Variants in DUSP5 observed in about 807,000 individuals in gnomAD.
DUSP5 encodes the protein dual specificity phosphatase 5, also known as dual specificity protein phosphatase 5.
DUSP5 carries 22 observed loss-of-function variants against 33.6 expected under a neutral mutation model. The ratio of observed to expected loss-of-function variants is 0.66; its 90% CI spans 0.47 to 0.94. DUSP5 has a LOEUF of 0.94. DUSP5 is among the 40% of genes least tolerant of loss of function. DUSP5 has a pLI of 0.00. For synonymous variants in DUSP5, 270 were observed against 231.1 expected (o/e 1.17, Z -1.53); for missense variants, 551 against 522.1 (o/e 1.06, Z -0.54).
chr10:110,502,601 A>T, intron 1 of DUSP5, 120 bp from the exon 2 acceptor site: 1 of 1,212,776 alleles, frequency 8.2e-7, no homozygotes, highest in Non-Finnish European at 1.1e-6. Context: ...CAGAATCTGT[A>T]CTGGCTTATT....
In DUSP5 at chr10:110,510,054, C is replaced by A. The variant is rs1860167218; in HGVS notation, c.783C>A (p.Val261=). The change falls in exon 4 of 4, where the codon GTC becomes GTA. Residue 261 remains valine (V), a synonymous_variant. Coordinates refer to ENST00000369583, the MANE Select transcript of DUSP5 (RefSeq NM_004419.4). ...CVREKGGKVL[V]HCEAGISRSP... ...GGGAAAAGGGAGGCAAGGTCCTGGT[C>A]CACTGTGAGGCTGGGATCTCCCGTT... 1 of 1,611,336 alleles carries A rather than the reference C, an allele frequency of 6.2e-7. No individual in the cohort carries two copies.
intron 3 of DUSP5, among the ~76,000 whole-genome samples, chr10:110,509,081 G>T (rs1190534664): frequency 1.3e-5 from 2 of 152,150 alleles, no homozygotes; most frequent in African/African-American, 2.4e-5. Context: ...TGATGTAATT[G>T]TTTCCTCACT....
chr10:110,507,829 C>A (rs764737497), intron 3 of DUSP5, among the ~76,000 whole-genome samples: 1 of 152,222 alleles, frequency 6.6e-6, no homozygotes, highest in South Asian at 2.1e-4. Flanking sequence ...TTTCCAGGTC[C>A]TCTGTGTTGC....
chr10:110,509,610 A>G (rs769012655), intron 3 of DUSP5, among the ~76,000 whole-genome samples: 5 of 152,214 alleles, frequency 3.3e-5, no homozygotes, highest in Non-Finnish European at 7.3e-5. Flanking sequence ...TATGTGCCCA[A>G]TAAAAATGTG....
chr10:110,501,965 T>TG (rs113343885), intron 1 of DUSP5, among the ~76,000 whole-genome samples: 19,648 of 132,654 alleles, frequency 0.15, 1,306 homozygotes, highest in Middle Eastern at 0.24. Context: ...ACTTATTGAT[T>TG]GGGGGGGGGG....
chr10:110,502,101 T>G (rs1371419086), intron 1 of DUSP5, among the ~76,000 whole-genome samples: 1 of 152,150 alleles, frequency 6.6e-6, no homozygotes, highest in Non-Finnish European at 1.5e-5. Flanking sequence ...ATTCTTTCAG[T>G]TGATTTAGAA....
rs1195815262 is a variant in DUSP5, at chr10:110,507,073, C to G, written c.667C>G (p.Leu223Val). The G allele has an allele frequency of 6.2e-7, 1 of 1,614,132 alleles. No individual in the cohort carries two copies. Among genetic ancestry groups the G allele is most frequent in the Non-Finnish European group, 8.5e-7 (1 of 1,180,052 alleles). ...RRTSEACATH[L>V]HYKWIPVEDS... ...GACCTCCGAGGCCTGCGCGACCCAC[C>G]TACACTACAAATGGATCCCTGTGGA... is the stretch of plus-strand genomic sequence containing the variant. Residue 223 changes from leucine (L) to valine (V), a missense_variant, in exon 3 of 4, where the codon CTA (leucine) becomes GTA (valine). Transcript: ENST00000369583.
In DUSP5 at chr10:110,507,104, G is replaced by A. The variant is rs765895832; in HGVS notation, c.698G>A (p.Ser233Asn). ...LHYKWIPVED[S>N]HTADISSHFQ... ...TACAAATGGATCCCTGTGGAAGACAGCCACACGGCTGACATTAGCTCCCAC... is the reference window on the plus strand; with the variant it reads ...TACAAATGGATCCCTGTGGAAGACAACCACACGGCTGACATTAGCTCCCAC... Residue 233 changes from serine to asparagine, a missense_variant, in exon 3 of 4, where the codon AGC becomes AAC. Around this residue, in one of 3 missense-constraint regions of DUSP5, gnomAD observed 12 missense variants for 29.9 expected, o/e 0.40. Coordinates refer to ENST00000369583, the MANE Select transcript of DUSP5 (RefSeq NM_004419.4). The A allele has an allele frequency of 6.2e-7, 1 of 1,614,132 alleles. No individual in the cohort carries two copies. The highest frequency in any genetic ancestry group is 1.7e-5 in the Admixed American group (1 of 60,036).
chr10:110,508,171 C>T (rs971019575), intron 3 of DUSP5, among the ~76,000 whole-genome samples: 3 of 152,138 alleles, frequency 2.0e-5, no homozygotes, highest in East Asian at 3.9e-4. Flanking sequence ...GAAACCCTGA[C>T]GAGAAACTCA....
intron 2 of DUSP5, chr10:110,503,579 T>A (rs1227857166): frequency 2.6e-5 from 4 of 152,192 alleles, no homozygotes; most frequent in Non-Finnish European, 4.4e-5. Flanking sequence ...CGTAGCACCA[T>A]CCAGGAAGAT....
At position 110,498,294 on chromosome 10, in the gene DUSP5, G is replaced by A. The variant is rs1859986415; in HGVS notation, c.173G>A (p.Gly58Asp). 1.4e-6 allele frequency: 2 copies of A among 1,441,692 alleles called. No individual in the cohort carries two copies. The highest frequency in any genetic ancestry group is 1.5e-5 in the African/African-American group (1 of 68,292). 89.3% of individuals were successfully genotyped at this position (1,441,692 alleles called of 1,614,324 possible). Residue 58 changes from glycine (G) to aspartate (D), a missense_variant, in exon 1 of 4, where the codon GGC becomes GAC. Around this residue, in one of 3 missense-constraint regions of DUSP5, gnomAD observed 381 missense variants for 310.4 expected, o/e 1.23. Transcript: ENST00000369583. ...GTGGTGCTGCGGCGGGCCCGGGGCG[G>A]CGCGGTGTCGGCGCGCTACGTGCTG... Reference protein sequence around the residue: ...NSVVLRRARGGAVSARYVLPD... With the variant: ...NSVVLRRARGDAVSARYVLPD...
chr10:110,505,482 C>A (rs766805306), intron 2 of DUSP5, among the ~76,000 whole-genome samples: 1 of 152,194 alleles, frequency 6.6e-6, no homozygotes, highest in Admixed American at 6.5e-5. Context: ...ACTGAACTGG[C>A]CTTTGCTTAA....
At chr10:110,504,468 GGT>G (rs1860095045) in intron 2 of DUSP5, among the ~76,000 whole-genome samples, 1 of 152,194 alleles carries the variant, frequency 6.6e-6, no homozygotes, top group South Asian at 2.1e-4. Context: ...TCCCAGGTCT[GGT>G]GTATCAGCAA....
intron 1 of DUSP5, among the ~76,000 whole-genome samples, chr10:110,502,091 ATTC>A (rs1272944022): frequency 2.0e-5 from 3 of 152,154 alleles, no homozygotes; most frequent in African/African-American, 7.2e-5. Flanking sequence ...AGAAGTCTTT[ATTC>A]TTTCAGTTGA....
At chr10:110,503,320 T>C (rs1860080106) in intron 2 of DUSP5, 1 of 156,558 alleles carries the variant, frequency 6.4e-6, no homozygotes, top group Non-Finnish European at 1.4e-5. Context: ...TCAAGGTGTG[T>C]CTTATTGGTA....
Position 110,507,149 on chromosome 10 carries a change from T to TTAGC in DUSP5, c.743_744insTAGC (p.Ile249SerfsTer3). 6.2e-7 allele frequency: 1 copy of TTAGC among 1,613,110 alleles called. No homozygotes were observed. ...TCCCACTTTCAAGAAGCAATAGACTTCATTGGTAGGTTTAGCCATTCCCCT... is the reference window on the plus strand; with the variant it reads ...TCCCACTTTCAAGAAGCAATAGACTTTAGCCATTGGTAGGTTTAGCCATTCCCCT... On this transcript the variant is annotated frameshift_variant, in exon 3 of 4. Coordinates refer to ENST00000369583, the MANE Select transcript of DUSP5 (RefSeq NM_004419.4). LOFTEE classifies it high-confidence loss of function.
At chr10:110,506,814 C>T in intron 2 of DUSP5, 121 bp from the exon 3 acceptor site, 2 of 1,115,934 alleles carry the variant, frequency 1.8e-6, no homozygotes. Flanking sequence ...CTGAACTCCA[C>T]TTGGAAACCA....
intron 3 of DUSP5, among the ~76,000 whole-genome samples, chr10:110,509,816 T>TG (rs1837843639): frequency 6.6e-6 from 1 of 152,132 alleles, no homozygotes; most frequent in South Asian, 2.1e-4. Context: ...AGGTCCTACT[T>TG]GGGGATAGTC....
intron 3 of DUSP5, among the ~76,000 whole-genome samples, chr10:110,509,697 G>A (rs1464171355): frequency 1.3e-5 from 2 of 152,232 alleles, no homozygotes; most frequent in South Asian, 4.1e-4. Context: ...CCCAGGAAGG[G>A]ACTGCTCCAG....
Sources: gnomAD v4.1 joint callset for allele counts (sites outside exome capture counted in the v4.1 genomes callset) on GRCh38, gnomAD v4.1.1 for gene constraint, gnomAD v4.1.1 regional missense constraint, MANE v1.5 for transcripts, NCBI Gene and HGNC (gene_info 2026-07-23, HGNC 2026-07-21) for gene names.